CDH22: variants seen among roughly 807,000 people sequenced by gnomAD.
CDH22 encodes the protein cadherin-22.
CDH22 carries 30 observed loss-of-function variants against 58.4 expected under a neutral mutation model. The observed-to-expected ratio is 0.51, with a 90% CI of 0.38 to 0.70. The LOEUF is 0.70. Among genes scored for constraint, CDH22 ranks in the 30% least tolerant of loss-of-function variants. CDH22 has a pLI of 0.00. For missense variants in CDH22, 1,014 were observed against 1,233.9 expected, an observed-to-expected ratio of 0.82 and a Z score of 2.67; for synonymous variants, 513 against 558.2, an observed-to-expected ratio of 0.92 and a Z score of 1.14.
intron 10 of CDH22, among the ~76,000 whole-genome samples, chr20:46,179,174 C>T (rs1345738619): frequency 1.3e-5 from 2 of 152,244 alleles, no homozygotes; most frequent in Admixed American, 1.3e-4. Context: ...TCTGCACATG[C>T]AGGGGTACGA....
rs148996406 is a variant in CDH22 at position 46,277,736 on chromosome 20, C to A, written c.-399-26043G>T. ...CCCCTTGAGGTGAGGATCAGGGCGT[C>A]CTCAGTGACAGCACCAGGAAGGCCA... is the stretch of plus-strand genomic sequence containing the variant. On this transcript the variant is annotated intron_variant, in intron 1 of 11. Coordinates refer to ENST00000537909, the MANE Select transcript of CDH22 (RefSeq NM_021248.3). Among the ~76,000 whole-genome samples, 922 of 151,956 alleles carry A rather than the reference C, an allele frequency of 6.1e-3. 8 individuals carry two copies. The highest frequency in any genetic ancestry group is 0.021 in the African/African-American group (879 of 41,422).
At chr20:46,269,034 C>T (rs1243254262) in intron 1 of CDH22, among the ~76,000 whole-genome samples, 5 of 152,238 alleles carry the variant, frequency 3.3e-5, no homozygotes, top group Non-Finnish European at 7.3e-5. Flanking sequence ...TGTTATCTCT[C>T]TAACGATTAG....
At chr20:46,181,025 C>T (rs1182819435) in intron 10 of CDH22, among the ~76,000 whole-genome samples, 1 of 151,790 alleles carries the variant, frequency 6.6e-6, no homozygotes, top group Non-Finnish European at 1.5e-5. Flanking sequence ...CTCCTCCTGC[C>T]TCAGCCTCCC....
At chr20:46,223,776 CCT>C (rs1178971069) in intron 4 of CDH22, among the ~76,000 whole-genome samples, 10 of 129,892 alleles carry the variant, frequency 7.7e-5, no homozygotes, top group African/African-American at 2.9e-4. Flanking sequence ...TTCTTTCTTT[CCT>C]CTCTTTCTTT....
At chr20:46,229,144 G>A (rs887478958) in intron 3 of CDH22, among the ~76,000 whole-genome samples, 1 of 152,088 alleles carries the variant, frequency 6.6e-6, no homozygotes. Context: ...GGTGCCCAGG[G>A]GTCTCCTACT....
At chr20:46,226,966 T>G (rs921011942) in intron 4 of CDH22, among the ~76,000 whole-genome samples, 10 of 152,168 alleles carry the variant, frequency 6.6e-5, no homozygotes, top group Non-Finnish European at 1.2e-4. Flanking sequence ...CACCATCGTT[T>G]GGTGGTGTTG....
chr20:46,195,764 C>T (rs1328236786), intron 8 of CDH22, among the ~76,000 whole-genome samples: 1 of 152,132 alleles, frequency 6.6e-6, no homozygotes, highest in Non-Finnish European at 1.5e-5. Flanking sequence ...GTGGAAGGAG[C>T]GTCTGCATGG....
chr20:46,225,494 AAT>A lies in CDH22; in HGVS notation c.670+2012_670+2013del, dbSNP rs201363512. Among the ~76,000 whole-genome samples the A allele has an allele frequency of 3.0e-3, 456 of 152,360 alleles. 6 individuals are homozygous for A. The highest frequency in any genetic ancestry group is 0.026 in the Admixed American group (400 of 15,304). ...TTATAGCTACCATTCATGTAAAAAA[AAT>A]AAATACATGTACCTTATTTTCTTGT... On this transcript the variant is annotated intron_variant, in intron 4 of 11. Coordinates refer to ENST00000537909, the MANE Select transcript of CDH22 (RefSeq NM_021248.3).
At chr20:46,195,614 A>ACCCCCCCCCCCCCCCCCC (rs113226361) in intron 8 of CDH22, among the ~76,000 whole-genome samples, 1 of 105,788 alleles carries the variant, frequency 9.5e-6, no homozygotes, top group Admixed American at 9.7e-5. Flanking sequence ...TCTCCCCTAG[A>ACCCCCCCCCCCCCCCCCC]CCCCCCCCCC....
intron 2 of CDH22, among the ~76,000 whole-genome samples, chr20:46,242,894 G>T (rs1395873604): frequency 6.6e-6 from 1 of 152,190 alleles, no homozygotes; most frequent in African/African-American, 2.4e-5. Flanking sequence ...TTAGGCTCCA[G>T]ATTCCAGGCT....
chr20:46,308,438 C>T lies in CDH22; in HGVS notation c.-583G>A. 1 of 215,924 alleles carries T rather than the reference C, an allele frequency of 4.6e-6. No individual in the cohort carries two copies. Among genetic ancestry groups the T allele is most frequent in the Non-Finnish European group, 9.3e-6 (1 of 107,340 alleles). The allele number at this position is 215,924 out of a possible 1,614,324, so 13.4% of individuals were successfully genotyped here. ...GCGCGCGTGTGTGTGAGCGAGAGAGCGAGAGAGCGAGAGAGCGAGGGAGTG... is the reference window on the plus strand; with the variant it reads ...GCGCGCGTGTGTGTGAGCGAGAGAGTGAGAGAGCGAGAGAGCGAGGGAGTG... On this transcript the variant is annotated 5_prime_UTR_variant, in exon 1 of 12. Transcript: ENST00000537909. This position sits in a 1 kb window ranked among gnomAD's most constrained non-coding sequence, Gnocchi z 4.3.
chr20:46,186,791 G>C (rs2085828639), intron 9 of CDH22, 35 bp downstream of exon 9: 1 of 1,596,670 alleles, frequency 6.3e-7, no homozygotes, highest in Non-Finnish European at 8.5e-7. Context: ...GCCAGTCCTG[G>C]AAGCAACGCC....
intron 10 of CDH22, among the ~76,000 whole-genome samples, chr20:46,178,582 T>C (rs2085759243): frequency 7.6e-6 from 1 of 131,512 alleles, no homozygotes; most frequent in Admixed American, 8.0e-5. Flanking sequence ...GTCCCTGGCG[T>C]TGTCTTTTTT....
chr20:46,270,917 G>A (rs2086484805), intron 1 of CDH22, among the ~76,000 whole-genome samples: 1 of 152,190 alleles, frequency 6.6e-6, no homozygotes, highest in Non-Finnish European at 1.5e-5. Context: ...TCATCTCTCT[G>A]AGCCTCAGTG....
chr20:46,273,046 A>C (rs2086500297), intron 1 of CDH22, among the ~76,000 whole-genome samples: 1 of 152,200 alleles, frequency 6.6e-6, no homozygotes, highest in Non-Finnish European at 1.5e-5. Context: ...CCATGATTTA[A>C]GGCTGGGTCA....
chr20:46,176,676 A>G (rs957446920), intron 11 of CDH22, among the ~76,000 whole-genome samples: 2 of 152,242 alleles, frequency 1.3e-5, no homozygotes, highest in African/African-American at 4.8e-5. Context: ...CCACCTAACA[A>G]GGTGGCTTGT....
At chr20:46,202,197 C>A (rs1398727910) in intron 7 of CDH22, among the ~76,000 whole-genome samples, 1 of 151,950 alleles carries the variant, frequency 6.6e-6, no homozygotes, top group Non-Finnish European at 1.5e-5. Flanking sequence ...TGCCCAGCCA[C>A]GTGTCCTAGA....
At chr20:46,224,889 G>A (rs1299096233) in intron 4 of CDH22, among the ~76,000 whole-genome samples, 6 of 152,220 alleles carry the variant, frequency 3.9e-5, no homozygotes, top group Non-Finnish European at 8.8e-5. Context: ...AGGAGTCTGA[G>A]TGACTGTCAA....
chr20:46,174,721 C>T lies in CDH22; in HGVS notation c.2272G>A (p.Ala758Thr). ...GGCGGCACCGACAGGTCCCCGTCCG[C>T]CAGTGCCACCTTGCGGCTGATGAAG... ...RDFISRKVAL[A>T]DGDLSVPPYD... The change falls in exon 12 of 12, where the codon GCG becomes ACG. Residue 758 changes from alanine to threonine, a missense_variant. This residue lies in a region of CDH22 where 208 missense variants were observed against 195.2 expected (regional missense o/e 1.07). Transcript: ENST00000537909. The surrounding 1 kb of genome is among the most constrained non-coding windows in gnomAD (Gnocchi z 4.4). 1 of 1,555,806 alleles carries T rather than the reference C, an allele frequency of 6.4e-7. No homozygotes were observed.
Sources: allele counts gnomAD v4.1 joint callset (sites outside exome capture counted in the v4.1 genomes callset), GRCh38; gene constraint gnomAD v4.1.1; regional missense constraint gnomAD v4.1.1; non-coding constraint Gnocchi (gnomAD v3.1); transcripts MANE v1.5; gene names NCBI Gene and HGNC (gene_info 2026-07-23, HGNC 2026-07-21).